Variants in WBP2NL observed in about 807,000 individuals in gnomAD.
WBP2NL encodes WBP2 N-terminal like.
Under a neutral mutation model 23.3 loss-of-function variants are expected in WBP2NL, and 27 were observed. The ratio of observed to expected loss-of-function variants is 1.16; its 90% CI spans 0.85 to 1.60. The LOEUF is 1.60. Ranked by LOEUF, WBP2NL falls within the 40% of genes most tolerant of loss-of-function variation. WBP2NL has a pLI of 0.00. For missense variants in WBP2NL, 370 were observed against 389.5 expected, an observed-to-expected ratio of 0.95 and a Z score of 0.42; for synonymous variants, 151 against 145.9, an observed-to-expected ratio of 1.03 and a Z score of -0.25.
At chr22:42,053,247 T>A (rs868859140) in intron 8 of WBP2NL, among the ~76,000 whole-genome samples, 2 of 152,224 alleles carry the variant, frequency 1.3e-5, no homozygotes, top group Admixed American at 1.3e-4. Context: ...GAGTTGTTTA[T>A]ACTTTTTGGC....
downstream of WBP2NL, among the ~76,000 whole-genome samples, chr22:42,029,079 G>A (rs904783815): frequency 2.6e-5 from 4 of 152,178 alleles, no homozygotes; most frequent in African/African-American, 9.7e-5. Flanking sequence ...ACTCTGGCAA[G>A]GCAGGCAAAG....
chr22:42,035,574 G>T (rs1173479544), downstream of WBP2NL, among the ~76,000 whole-genome samples: 1 of 152,204 alleles, frequency 6.6e-6, no homozygotes, highest in African/African-American at 2.4e-5. Context: ...GCTCCAGATG[G>T]CCTGCTGCTG....
At chr22:42,018,837 C>G (rs1923590510) in intron 1 of WBP2NL, among the ~76,000 whole-genome samples, 1 of 151,186 alleles carries the variant, frequency 6.6e-6, no homozygotes, top group African/African-American at 2.4e-5. Flanking sequence ...CATTTGAATT[C>G]CTTTTTATTT....
chr22:42,045,177 G>T (rs1925538828), intron 8 of WBP2NL, among the ~76,000 whole-genome samples: 1 of 152,032 alleles, frequency 6.6e-6, no homozygotes, highest in African/African-American at 2.4e-5. Context: ...GGTGGCTCAC[G>T]CCTGTAATCC....
chr22:42,028,254 C>A lies in WBP2NL; in HGVS notation c.*1073C>A. 1 of 395,286 alleles carries A rather than the reference C, an allele frequency of 2.5e-6. No homozygotes were observed. Among genetic ancestry groups the A allele is most frequent in the Admixed American group, 4.4e-5 (1 of 22,700 alleles). The allele number at this position is 395,286 out of a possible 1,614,324, so 24.5% of individuals were successfully genotyped here. On this transcript the variant is annotated 3_prime_UTR_variant, in exon 6 of 6. Transcript: ENST00000328823. ...AAAAGCAAGTTGTAGGGAGCATATA[C>A]TATAGTGATTTTCAGCCTCATCAGA... is the stretch of plus-strand genomic sequence containing the variant.
intron 8 of WBP2NL, among the ~76,000 whole-genome samples, chr22:42,047,444 G>C (rs1207439135): frequency 2.0e-5 from 3 of 151,174 alleles, no homozygotes; most frequent in African/African-American, 7.3e-5. Context: ...ACAAAAATTA[G>C]CCTGGTGTTG....
chr22:41,999,534 A>G lies in WBP2NL; in HGVS notation c.62+654A>G, dbSNP rs1569443851. On this transcript the variant is annotated intron_variant, in intron 1 of 5. Coordinates refer to ENST00000328823, the MANE Select transcript of WBP2NL (RefSeq NM_152613.3). The stretch of plus-strand genomic sequence containing the variant: ...GCAGTGGCTCATGCCTCTTATCCCA[A>G]CAGTTTGGGAAGCTGAGGTGGCCCA... Among the ~76,000 whole-genome samples, 3 of 152,274 alleles carry G rather than the reference A, an allele frequency of 2.0e-5. No homozygotes were observed. In the East Asian group the frequency reaches 5.8e-4, roughly 29 times the overall value.
intron 8 of WBP2NL, among the ~76,000 whole-genome samples, chr22:42,039,288 C>G (rs941235208): frequency 2.6e-5 from 4 of 150,972 alleles, no homozygotes; most frequent in African/African-American, 9.7e-5. Context: ...GTTGGACAGG[C>G]TGGTGTCGAA....
At chr22:42,000,201 T>C (rs1287666363) in intron 1 of WBP2NL, among the ~76,000 whole-genome samples, 1 of 152,248 alleles carries the variant, frequency 6.6e-6, no homozygotes. Context: ...CAAATGCTGA[T>C]ATCCAGGTCT....
intron 1 of WBP2NL, among the ~76,000 whole-genome samples, chr22:42,013,642 CTCTA>C (rs1266661628): frequency 6.6e-6 from 1 of 152,044 alleles, no homozygotes; most frequent in African/African-American, 2.4e-5. Flanking sequence ...GAGATAGGGT[CTCTA>C]TCACGTAGGC....
chr22:42,018,273 A>G (rs1362467670), intron 1 of WBP2NL, among the ~76,000 whole-genome samples: 1 of 147,970 alleles, frequency 6.8e-6, no homozygotes. Flanking sequence ...AGATTATGCC[A>G]CTGCACTCCA....
chr22:42,007,774 G>A (rs1449797129), intron 1 of WBP2NL, among the ~76,000 whole-genome samples: 4 of 152,122 alleles, frequency 2.6e-5, no homozygotes, highest in African/African-American at 7.2e-5. Flanking sequence ...GTATGTATGT[G>A]CCACATTTTG....
intron 1 of WBP2NL, among the ~76,000 whole-genome samples, chr22:42,009,660 A>G (rs932985522): frequency 6.6e-6 from 1 of 152,152 alleles, no homozygotes; most frequent in African/African-American, 2.4e-5. Context: ...TTTCTATTCT[A>G]GTCCATTGGT....
chr22:42,010,481 T>A (rs558647656), intron 1 of WBP2NL, among the ~76,000 whole-genome samples: 3 of 152,324 alleles, frequency 2.0e-5, no homozygotes, highest in South Asian at 2.1e-4. Flanking sequence ...GTAGCTTCCT[T>A]CTACTTTTAG....
At chr22:42,049,724 A>T (rs900375556) in intron 8 of WBP2NL, among the ~76,000 whole-genome samples, 15 of 147,616 alleles carry the variant, frequency 1.0e-4, no homozygotes, top group Non-Finnish European at 1.5e-4. Context: ...AAAAAAAAAA[A>T]AAAAAAATAG....
rs2146803055 is a variant in WBP2NL at position 42,027,467 on chromosome 22, T to C, written c.*286T>C. The C allele has an allele frequency of 5.2e-6, 2 of 384,440 alleles. 1 individual carries two copies. Among genetic ancestry groups the C allele is most frequent in the South Asian group, 1.7e-4 (2 of 11,606 alleles). 23.8% of individuals were successfully genotyped at this position (384,440 alleles called of 1,614,324 possible). A position where few individuals can be genotyped will look rare whatever the true frequency, so the allele number is the denominator to read the frequency against. The stretch of plus-strand genomic sequence containing the variant: ...GGTTGCATTTTTAAACATAACTTTT[T>C]CCACACTCGCATTCAAGGTTCCTGT... On this transcript the variant is annotated 3_prime_UTR_variant, in exon 6 of 6. Coordinates refer to ENST00000328823, the MANE Select transcript of WBP2NL (RefSeq NM_152613.3).
chr22:42,000,296 C>T (rs80057302), intron 1 of WBP2NL, among the ~76,000 whole-genome samples: 1,721 of 152,280 alleles, frequency 0.011, 24 homozygotes, highest in Non-Finnish European at 0.012. Flanking sequence ...CTGCTTCCTA[C>T]GTACCTCTGC....
At chr22:42,053,511 G>C (rs1201590546) in intron 8 of WBP2NL, among the ~76,000 whole-genome samples, 1 of 151,328 alleles carries the variant, frequency 6.6e-6, no homozygotes, top group Non-Finnish European at 1.5e-5. Context: ...CCAGGCTGGA[G>C]TGCAGTGGCG....
chr22:42,041,481 TAAAAA>T (rs35848343), intron 8 of WBP2NL, among the ~76,000 whole-genome samples: 10 of 112,820 alleles, frequency 8.9e-5, no homozygotes, highest in South Asian at 8.3e-4. Context: ...GTTCTGTCTT[TAAAAA>T]AAAAAAAAAA....
Sources: allele counts gnomAD v4.1 joint callset (sites outside exome capture counted in the v4.1 genomes callset), GRCh38; gene constraint gnomAD v4.1.1; transcripts MANE v1.5; gene names NCBI Gene and HGNC (gene_info 2026-07-23, HGNC 2026-07-21).